The following CYP3A5 variants were observed in gnomAD, a reference collection of about 807,000 sequenced individuals.
The protein encoded by CYP3A5 is cytochrome P450 3A5.
Under a neutral mutation model 55.9 loss-of-function variants are expected in CYP3A5, and 51 were observed. The ratio of observed to expected loss-of-function variants is 0.91; its 90% CI spans 0.73 to 1.15. CYP3A5 has a LOEUF of 1.15. Ranked by LOEUF, CYP3A5 falls within the 50% of genes most tolerant of loss-of-function variation. CYP3A5 has a pLI of 0.00. For missense variants in CYP3A5, 533 were observed against 596.6 expected (o/e 0.89, Z 1.11); for synonymous variants, 196 against 213.9 (o/e 0.92, Z 0.73).
At chr7:99,657,333 G>A (rs1373230718) in intron 10 of CYP3A5, among the ~76,000 whole-genome samples, 8 of 152,058 alleles carry the variant, frequency 5.3e-5, no homozygotes, top group Admixed American at 3.3e-4. Flanking sequence ...CCTTCATTTC[G>A]TTATGTACCC....
At chr7:99,663,309 G>C (rs904532001) in intron 8 of CYP3A5, 17 of 993,866 alleles carry the variant, frequency 1.7e-5, no homozygotes, top group Non-Finnish European at 1.9e-5. Context: ...CAGCTTTTTT[G>C]GGGGAGCATT....
chr7:99,669,661 A>G (rs1811383234), intron 4 of CYP3A5, among the ~76,000 whole-genome samples: 2 of 152,230 alleles, frequency 1.3e-5, no homozygotes, highest in South Asian at 2.1e-4. Context: ...AGGCACTGAC[A>G]CTACAGATAC....
Position 99,650,113 on chromosome 7 carries a change from ACT to A in CYP3A5, c.1371_1372del (p.Arg457SerfsTer11), listed in dbSNP as rs751249542. Reference sequence around the variant, plus strand: ...AGGTTTGAAGGAGAAGTTCTGAAGGACTCTGATTAGAGCAAGTTTCATGTTCA... The same window carrying A: ...AGGTTTGAAGGAGAAGTTCTGAAGGACTGATTAGAGCAAGTTTCATGTTCA... On this transcript the variant is annotated frameshift_variant, in exon 12 of 13. Transcript: ENST00000222982. LOFTEE classifies it low-confidence loss of function (END_TRUNC). The A allele has an allele frequency of 1.2e-6, 2 of 1,614,178 alleles. No homozygotes were observed. Among genetic ancestry groups the A allele is most frequent in the East Asian group, 2.2e-5 (1 of 44,876 alleles).
intron 4 of CYP3A5, chr7:99,671,651 A>C (rs1811643964): frequency 1.7e-6 from 1 of 583,234 alleles, no homozygotes; most frequent in Admixed American, 3.1e-5. Flanking sequence ...AGAAAAAGCA[A>C]TGTAGGAAGG....
intron 1 of CYP3A5, chr7:99,677,332 A>C (rs982929475): frequency 1.3e-6 from 1 of 788,560 alleles, no homozygotes; most frequent in African/African-American, 1.9e-5. Flanking sequence ...AGAGAGGCAA[A>C]CTACAAAAAT....
chr7:99,677,861 G>C (rs1406907374), intron 1 of CYP3A5, among the ~76,000 whole-genome samples: 1 of 152,200 alleles, frequency 6.6e-6, no homozygotes, highest in Non-Finnish European at 1.5e-5. Context: ...GTGAGGACAA[G>C]CTATTGAGTT....
chr7:99,664,282 A>G (rs1174649766), intron 7 of CYP3A5, among the ~76,000 whole-genome samples, 187 bp from the exon 8 acceptor site: 1 of 152,190 alleles, frequency 6.6e-6, no homozygotes, highest in African/African-American at 2.4e-5. Flanking sequence ...TATACATAGG[A>G]AACACCACTA....
At chr7:99,655,016 C>G (rs2151375580) in intron 10 of CYP3A5, among the ~76,000 whole-genome samples, 1 of 152,278 alleles carries the variant, frequency 6.6e-6, no homozygotes. Context: ...AATTTTCTCC[C>G]ATTCTGTCGG....
Position 99,653,538 on chromosome 7 carries a change from G to C in CYP3A5, c.1027-759C>G, listed in dbSNP as rs777112385. Among the ~76,000 whole-genome samples, 6 of 152,106 alleles carry C rather than the reference G, an allele frequency of 3.9e-5. No individual in the cohort carries two copies. The highest frequency in any genetic ancestry group is 8.8e-5 in the Non-Finnish European group (6 of 68,018). ...CACAAATACGACAAAATAAATTTAT[G>C]ATTGGATGCTACCAAGGTACACAAT... is the stretch of plus-strand genomic sequence containing the variant. On this transcript the variant is annotated intron_variant, in intron 10 of 12. Coordinates refer to ENST00000222982, the MANE Select transcript of CYP3A5 (RefSeq NM_000777.5). The surrounding 1 kb of genome is among the most constrained non-coding windows in gnomAD (Gnocchi z 4.2).
At chr7:99,660,034 C>G (rs915523363) in intron 10 of CYP3A5, 1 of 207,872 alleles carries the variant, frequency 4.8e-6, no homozygotes, top group Non-Finnish European at 8.4e-6. Context: ...ATGCCTCGCC[C>G]TGCTTTGGCT....
chr7:99,649,976 A>G, intron 12 of CYP3A5, 97 bp downstream of exon 12: 3 of 1,457,108 alleles, frequency 2.1e-6, no homozygotes, highest in Non-Finnish European at 2.8e-6. Flanking sequence ...TGGCCCATAG[A>G]ATGAATTATT....
At chr7:99,664,697 T>C (rs1437758464) in intron 7 of CYP3A5, among the ~76,000 whole-genome samples, 2 of 152,214 alleles carry the variant, frequency 1.3e-5, no homozygotes, top group Non-Finnish European at 2.9e-5. Flanking sequence ...GGGAAATTTA[T>C]AGCTGTAATA....
chr7:99,657,719 A>G (rs1326804805), intron 10 of CYP3A5, among the ~76,000 whole-genome samples: 1 of 151,950 alleles, frequency 6.6e-6, no homozygotes, highest in Non-Finnish European at 1.5e-5. Flanking sequence ...TGGGAGTCTA[A>G]CTCTCTTTGT....
intron 10 of CYP3A5, among the ~76,000 whole-genome samples, chr7:99,656,290 AG>A (rs1207915289): frequency 2.0e-5 from 3 of 152,200 alleles, no homozygotes; most frequent in African/African-American, 7.2e-5. Context: ...TTTAGCATGA[AG>A]GGCTGTTGAA....
At chr7:99,655,394 T>C (rs532811430) in intron 10 of CYP3A5, among the ~76,000 whole-genome samples, 3 of 152,322 alleles carry the variant, frequency 2.0e-5, no homozygotes, top group East Asian at 3.9e-4. Context: ...GTTGTAGATA[T>C]GTGGCATTCT....
chr7:99,672,001 T>C, intron 4 of CYP3A5: 1 of 593,530 alleles, frequency 1.7e-6, no homozygotes, highest in Non-Finnish European at 3.0e-6. Context: ...TCCTGTACTA[T>C]AGTATTAGGT....
At chr7:99,649,342 C>T (rs369297309) in intron 12 of CYP3A5, among the ~76,000 whole-genome samples, 4 of 152,260 alleles carry the variant, frequency 2.6e-5, no homozygotes, top group Admixed American at 6.5e-5. Flanking sequence ...TTAAATACAC[C>T]GGTCCTGGAA....
intron 3 of CYP3A5, among the ~76,000 whole-genome samples, chr7:99,673,983 G>A (rs80218044): frequency 2.0e-5 from 3 of 152,156 alleles, no homozygotes; most frequent in Admixed American, 6.5e-5. Context: ...TTACAATAGC[G>A]AGTGTGAACT....
intron 12 of CYP3A5, 114 bp downstream of exon 12, chr7:99,649,959 G>C (rs1315644941): frequency 7.6e-7 from 1 of 1,313,550 alleles, no homozygotes; most frequent in Admixed American, 2.2e-5. Context: ...GATCCAAGTA[G>C]GTTCTTTGGC....
Sources: gnomAD v4.1 joint callset for allele counts (sites outside exome capture counted in the v4.1 genomes callset) on GRCh38, gnomAD v4.1.1 for gene constraint, Gnocchi (gnomAD v3.1) non-coding constraint, MANE v1.5 for transcripts, NCBI Gene and HGNC (gene_info 2026-07-23, HGNC 2026-07-21) for gene names.